NEB: variants seen among roughly 807,000 people sequenced by gnomAD.
NEB encodes the protein nebulin.
In NEB, 512 loss-of-function variants were observed where a neutral mutation model predicts 952.2. The observed-to-expected ratio is 0.54, with a 90% CI of 0.50 to 0.58. The LOEUF (loss-of-function observed/expected upper bound fraction) is 0.58. Ranked by LOEUF, NEB falls within the 20% of genes least tolerant of loss-of-function variation. The pLI is 0.00. For synonymous variants in NEB, 2,900 were observed against 3,149.8 expected (o/e 0.92, Z 2.66); for missense variants, 8,428 against 9,231.1 (o/e 0.91, Z 3.56).
chr2:151,527,140 T>C, intron 147 of NEB, 118 bp from the exon 148 acceptor site: 1 of 684,714 alleles, frequency 1.5e-6, no homozygotes, highest in Non-Finnish European at 2.5e-6. Flanking sequence ...GCTACCAGAA[T>C]GAGGAGAAGA....
At chr2:151,650,478 A>C (rs781253295) in intron 53 of NEB, 96 bp downstream of exon 53, 1 of 1,499,230 alleles carries the variant, frequency 6.7e-7, no homozygotes, top group Non-Finnish European at 9.1e-7. Flanking sequence ...TTAGATTTTC[A>C]ATAATAATTC....
intron 31 of NEB, 38 bp downstream of exon 31, chr2:151,679,880 C>G (rs2148602642): frequency 6.2e-7 from 1 of 1,606,978 alleles, no homozygotes; most frequent in African/African-American, 1.3e-5. Flanking sequence ...TTAGTAAAGT[C>G]TGGACATACG....
chr2:151,712,905 G>A (rs1481220142), intron 10 of NEB, among the ~76,000 whole-genome samples: 1 of 151,896 alleles, frequency 6.6e-6, no homozygotes, highest in African/African-American at 2.4e-5. Context: ...GAAAGGTTAG[G>A]GGGAAACCTT....
chr2:151,622,114 C>T (rs1159848251), intron 71 of NEB, among the ~76,000 whole-genome samples: 1 of 152,108 alleles, frequency 6.6e-6, no homozygotes, highest in Admixed American at 6.6e-5. Flanking sequence ...GATTCTCGTG[C>T]CTCAGCCACC....
At chr2:151,556,059 A>G (rs1031219918) in intron 124 of NEB, among the ~76,000 whole-genome samples, 2 of 152,198 alleles carry the variant, frequency 1.3e-5, no homozygotes, top group Admixed American at 1.3e-4. Flanking sequence ...AATCTTATCT[A>G]TAGTACTTTT....
At chr2:151,505,593 AGAAAG>A in intron 164 of NEB, 23 bp from the exon 165 acceptor site, 1 of 1,570,528 alleles carries the variant, frequency 6.4e-7, no homozygotes, top group South Asian at 1.1e-5. Flanking sequence ...AAATGGGAAA[AGAAAG>A]GTATTATTAC....
chr2:151,727,278 T>G (rs990698637), intron 5 of NEB, among the ~76,000 whole-genome samples: 3 of 152,156 alleles, frequency 2.0e-5, no homozygotes, highest in Non-Finnish European at 2.9e-5. Flanking sequence ...ACTATACACC[T>G]CTTTACATAC....
chr2:151,677,413 C>G (rs1281192862), intron 34 of NEB, among the ~76,000 whole-genome samples, 152 bp downstream of exon 34: 1 of 152,068 alleles, frequency 6.6e-6, no homozygotes, highest in East Asian at 1.9e-4. Context: ...AGTGCCCAAA[C>G]TACACATAAC....
At position 151,547,668 on chromosome 2, in the gene NEB, C is replaced by T. The variant is rs755370356; in HGVS notation, c.20228G>A (p.Arg6743His). ...AGCCTCTTGTGTCTTCTTGACTTGG[C>T]GGATCTCAGGGGTATCGGGAGTTGT... The part of the protein sequence containing the change: ...IHTTPDTPEI[R>H]QVKKTQEAVS... The change falls in exon 132 of 182, where the codon CGC (arginine) becomes CAC (histidine). Residue 6743 changes from arginine to histidine, a missense_variant. Around this residue, in one of 11 missense-constraint regions of NEB, gnomAD observed 3,374 missense variants for 3,651.5 expected, o/e 0.92. Transcript: ENST00000397345. 20 of 1,613,598 alleles carry T rather than the reference C, an allele frequency of 1.2e-5. No individual in the cohort carries two copies. Among genetic ancestry groups the T allele is most frequent in the East Asian group, 4.5e-5 (2 of 44,846 alleles).
Position 151,691,940 on chromosome 2 carries a change from T to A in NEB, c.2135A>T (p.Asp712Val), listed in dbSNP as rs563934691. Residue 712 changes from aspartate (D) to valine (V), a missense_variant, in exon 23 of 182, where the codon GAT becomes GTT. Asp to Val is a radical substitution (Grantham distance 152, BLOSUM62 -3). Transcript: ENST00000397345. Reference protein sequence around the residue: ...DKSYKAEYEEDKGKCYFPQTI... With the variant: ...DKSYKAEYEEVKGKCYFPQTI... ...CTGAGGGAAATAGCATTTTCCTTTA[T>A]CTTCTTCATATTCTGCTTTGTAACT... The A allele has an allele frequency of 2.5e-6, 4 of 1,610,906 alleles. No homozygotes were observed. Among genetic ancestry groups the A allele is most frequent in the East Asian group, 4.5e-5 (2 of 44,866 alleles).
chr2:151,540,552 T>A, intron 137 of NEB, 104 bp from the exon 138 acceptor site: 1 of 1,121,430 alleles, frequency 8.9e-7, no homozygotes, highest in Non-Finnish European at 1.3e-6. Flanking sequence ...TTACACACTT[T>A]AAGAGAATAG....
chr2:151,645,074 T>C (rs1337735073), intron 55 of NEB, among the ~76,000 whole-genome samples: 1 of 152,182 alleles, frequency 6.6e-6, no homozygotes, highest in East Asian at 1.9e-4. Context: ...AGTATGATTA[T>C]GTTACGGGAC....
intron 111 of NEB, 94 bp downstream of exon 111, chr2:151,568,524 T>C: frequency 1.4e-6 from 2 of 1,417,258 alleles, no homozygotes; most frequent in Admixed American, 1.8e-5. Flanking sequence ...AAAATCTGTA[T>C]TTCAGATGAT....
At chr2:151,509,370 C>T (rs2072109753) in intron 161 of NEB, among the ~76,000 whole-genome samples, 1 of 151,688 alleles carries the variant, frequency 6.6e-6, no homozygotes, top group South Asian at 2.1e-4. Context: ...AAACAATCGT[C>T]CTTTTATTTT....
rs748724373 is a variant in NEB at position 151,659,211 on chromosome 2, A to G, written c.5971-42T>C. 3.0e-6 allele frequency: 4 copies of G among 1,347,578 alleles called. No homozygotes were observed. The African/African-American group carries it at 4.3e-5, about 15-fold the overall frequency. The allele number at this position is 1,347,578 out of a possible 1,614,324, so 83.5% of individuals were successfully genotyped here. ...GTAAATTAGTGTTTAAAATCTTAAA[A>G]GAAGCTCACTTAGTACATACATATC... On this transcript the variant is annotated intron_variant, in intron 46 of 181. Transcript: ENST00000397345.
chr2:151,490,300 A>G, intron 180 of NEB, 72 bp downstream of exon 180: 2 of 1,517,674 alleles, frequency 1.3e-6, no homozygotes, highest in Non-Finnish European at 1.8e-6. Flanking sequence ...TTTGTACTCA[A>G]AGCATCTCTT....
chr2:151,713,089 A>AG (rs1304402537), intron 10 of NEB, among the ~76,000 whole-genome samples: 2 of 152,108 alleles, frequency 1.3e-5, no homozygotes, highest in African/African-American at 4.8e-5. Context: ...CCATAGATAC[A>AG]GTAAGATTGT....
intron 71 of NEB, among the ~76,000 whole-genome samples, chr2:151,624,822 GC>G (rs983730035): frequency 1.3e-5 from 2 of 152,104 alleles, no homozygotes; most frequent in African/African-American, 2.4e-5. Flanking sequence ...GAACAATTGA[GC>G]AAGACGCTAT....
At position 151,518,296 on chromosome 2, in the gene NEB, A is replaced by T. The variant is rs1047430937; in HGVS notation, c.22800+22T>A. On this transcript the variant is annotated intron_variant, in intron 156 of 181. Transcript: ENST00000397345. ...TGTGGATGAATGTGCGCCAGAGGAA[A>T]AATCGGTCTTGATCCACTTACTATA... 9 of 1,525,064 alleles carry T rather than the reference A, an allele frequency of 5.9e-6. No individual in the cohort carries two copies. In the African/African-American group the frequency reaches 6.9e-5, roughly 12 times the overall value. 94.5% of individuals were successfully genotyped at this position (1,525,064 alleles called of 1,614,324 possible). A position where few individuals can be genotyped will look rare whatever the true frequency, so the allele number is the denominator to read the frequency against.
Sources: allele counts gnomAD v4.1 joint callset (sites outside exome capture counted in the v4.1 genomes callset), GRCh38; gene constraint gnomAD v4.1.1; regional missense constraint gnomAD v4.1.1; transcripts MANE v1.5; gene names NCBI Gene and HGNC (gene_info 2026-07-23, HGNC 2026-07-21).